The following TXLNG variants were observed in gnomAD, a reference collection of about 807,000 sequenced individuals.
The protein encoded by TXLNG is taxilin gamma.
A neutral mutation model predicts 38.8 loss-of-function variants in TXLNG; 5 were observed. The observed-to-expected ratio is 0.13, with a 90% CI of 0.07 to 0.27. TXLNG has a LOEUF of 0.27. TXLNG is among the 10% of genes least tolerant of loss of function. The pLI is 1.00. For missense variants in TXLNG, 393 were observed against 398.2 expected, an observed-to-expected ratio of 0.99 and a Z score of 0.11; for synonymous variants, 182 against 158.2, an observed-to-expected ratio of 1.15 and a Z score of -1.13.
Position 16,841,465 on chromosome X carries a change from T to A in TXLNG, c.1286T>A (p.Ile429Lys). 1 of 1,210,926 alleles carries A rather than the reference T, an allele frequency of 8.3e-7. No homozygotes were observed. Among genetic ancestry groups the A allele is most frequent in the South Asian group, 1.8e-5 (1 of 56,897 alleles). ...GATAAAGAGTACAAGGCCCTTCAAA[T>A]AAAACTGGAACGGTTAGAGAAGCTG... is the stretch of plus-strand genomic sequence containing the variant. ...VRDKEYKALQ[I>K]KLERLEKLCR... Residue 429 changes from isoleucine (I) to lysine (K), a missense_variant, in exon 10 of 10, where the codon ATA (isoleucine) becomes AAA (lysine). By Grantham distance (102) the Ile-to-Lys change is moderately radical. Coordinates refer to ENST00000380122, the MANE Select transcript of TXLNG (RefSeq NM_018360.3).
intron 1 of TXLNG, among the ~76,000 whole-genome samples, chrX:16,815,274 C>T (rs1928691038): frequency 9.0e-6 from 1 of 110,756 alleles, no homozygotes; most frequent in Non-Finnish European, 1.9e-5. Flanking sequence ...CTCCCAGGTT[C>T]AAGCAATTCT....
intron 7 of TXLNG, among the ~76,000 whole-genome samples, chrX:16,834,672 A>T (rs1187361780): frequency 9.0e-6 from 1 of 111,671 alleles, no homozygotes; most frequent in Non-Finnish European, 1.9e-5. Flanking sequence ...GAGCCCAGAT[A>T]ATTCCTCCCT....
chrX:16,840,397 C>T, intron 9 of TXLNG: 1 of 744,914 alleles, frequency 1.3e-6, no homozygotes, highest in Non-Finnish European at 1.6e-6. Flanking sequence ...ATTAGGCTTT[C>T]AAAAAAAGCA....
Position 16,839,851 on chromosome X carries a change from G to T in TXLNG, c.1183G>T (p.Glu395Ter). The change falls in exon 9 of 10, where the codon GAA becomes TAA. Residue 395 changes from glutamate to a stop codon, truncating the protein, a stop_gained. Transcript: ENST00000380122. LOFTEE classifies it high-confidence loss of function. ...MTKKIKKLEK[E>*]TIIWRTKWEN... ...AAAGAAAATTAAAAAACTGGAAAAA[G>T]AAACAATAATTTGGCGTACCAAATG... The T allele has an allele frequency of 1.7e-6, 2 of 1,200,819 alleles. No homozygotes were observed. The highest frequency in any genetic ancestry group is 2.2e-6 in the Non-Finnish European group (2 of 889,827).
At chrX:16,821,341 G>A (rs371484231) in intron 3 of TXLNG, among the ~76,000 whole-genome samples, 91 of 108,921 alleles carry the variant, frequency 8.4e-4, no homozygotes, top group African/African-American at 2.9e-3. Flanking sequence ...GGGTTTCACC[G>A]TGTTAGCCAG....
intron 1 of TXLNG, among the ~76,000 whole-genome samples, chrX:16,790,245 G>A (rs1352558614): frequency 1.8e-5 from 2 of 111,992 alleles, no homozygotes; most frequent in African/African-American, 6.5e-5. Context: ...TGACAAATGT[G>A]TAGTGACATG....
intron 5 of TXLNG, among the ~76,000 whole-genome samples, chrX:16,830,804 G>GGCTTCA (rs1391704944): frequency 5.1e-4 from 43 of 84,979 alleles, no homozygotes; most frequent in African/African-American, 1.9e-3. Flanking sequence ...TATAGCACCT[G>GGCTTCA]GCTTCAGCAG....
intron 1 of TXLNG, among the ~76,000 whole-genome samples, chrX:16,817,936 G>GC (rs370869871): frequency 2.7e-5 from 3 of 112,242 alleles, no homozygotes; most frequent in African/African-American, 9.7e-5. Flanking sequence ...CTGTGGCTCT[G>GC]CCATCCCTTA....
intron 9 of TXLNG, among the ~76,000 whole-genome samples, chrX:16,840,995 G>A (rs901442951): frequency 3.6e-5 from 4 of 110,928 alleles, no homozygotes; most frequent in Non-Finnish European, 7.6e-5. Flanking sequence ...AGGAAATCAA[G>A]ACCATCCTGG....
chrX:16,787,215 G>T (rs1356785518), intron 1 of TXLNG, among the ~76,000 whole-genome samples: 1 of 111,699 alleles, frequency 9.0e-6, no homozygotes, highest in Non-Finnish European at 1.9e-5. Flanking sequence ...CGAGCGGGAC[G>T]CTCGGCCCCC....
At chrX:16,836,773 T>C (rs1929608219) in intron 7 of TXLNG, among the ~76,000 whole-genome samples, 1 of 112,317 alleles carries the variant, frequency 8.9e-6, no homozygotes, top group Non-Finnish European at 1.9e-5. Flanking sequence ...TCGTGTGATC[T>C]TGCCCAAAAT....
chrX:16,829,449 G>A (rs751479819), intron 4 of TXLNG, 127 bp from the exon 5 acceptor site: 26 of 615,974 alleles, frequency 4.2e-5, no homozygotes, highest in South Asian at 3.5e-5. Context: ...TAAATAAGGG[G>A]GAGGAATTGT....
chrX:16,839,960 G>T (rs769634568), intron 9 of TXLNG, 44 bp downstream of exon 9: 26 of 999,701 alleles, frequency 2.6e-5, no homozygotes, highest in Non-Finnish European at 3.2e-5. Context: ...TAGTCATGGG[G>T]ACTCCTTGAG....
chrX:16,789,498 C>T (rs1193476796), intron 1 of TXLNG, among the ~76,000 whole-genome samples: 1 of 107,455 alleles, frequency 9.3e-6, no homozygotes, highest in East Asian at 2.9e-4. Context: ...TATTCAGTAG[C>T]CAGTGTGGCT....
Position 16,808,991 on chromosome X carries a change from A to G in TXLNG, c.103-9583A>G, listed in dbSNP as rs1007212014. The stretch of plus-strand genomic sequence containing the variant: ...ATTTCAAAGCTACTGCAAAGTTTAT[A>G]CTAAACATCAATTTTGCCACCACCT... On this transcript the variant is annotated intron_variant, in intron 1 of 9. Coordinates refer to ENST00000380122, the MANE Select transcript of TXLNG (RefSeq NM_018360.3). Among the ~76,000 whole-genome samples, 7 of 112,075 alleles carry G rather than the reference A, an allele frequency of 6.2e-5. No homozygotes were observed. In the East Asian group the frequency reaches 1.4e-3, roughly 23 times the overall value.
chrX:16,791,568 TTTTA>T (rs752495698), intron 1 of TXLNG, among the ~76,000 whole-genome samples: 29 of 112,055 alleles, frequency 2.6e-4, no homozygotes, highest in Non-Finnish European at 3.9e-4. Flanking sequence ...TTGGAACGTG[TTTTA>T]TTTATTTATT....
chrX:16,841,299 T>C, intron 9 of TXLNG, 129 bp from the exon 10 acceptor site: 1 of 526,810 alleles, frequency 1.9e-6, no homozygotes, highest in South Asian at 3.4e-5. Context: ...CTAGCTAGAA[T>C]GTTAGGAGGC....
At chrX:16,803,354 ATT>A (rs756547872) in intron 1 of TXLNG, 13 of 89,870 alleles carry the variant, frequency 1.4e-4, no homozygotes, top group Non-Finnish European at 8.9e-5. Context: ...ATACCCAGCT[ATT>A]TTTTTTTTTT....
chrX:16,790,443 C>T lies in TXLNG; in HGVS notation c.102+3854C>T, dbSNP rs187941947. 5.7e-3 allele frequency among the ~76,000 whole-genome samples: 631 copies of T among 110,646 alleles called. 2 individuals carry two copies. The highest frequency in any genetic ancestry group is 9.1e-3 in the Non-Finnish European group (483 of 52,935). On this transcript the variant is annotated intron_variant, in intron 1 of 9. Transcript: ENST00000380122. ...TCTTGAACTCCTAGGCTCAGGCGAT[C>T]GTTCTGCCTTGGCCTCCCAAAGTGC...
Sources: gnomAD v4.1 joint callset for allele counts (sites outside exome capture counted in the v4.1 genomes callset) on GRCh38, gnomAD v4.1.1 for gene constraint, MANE v1.5 for transcripts, NCBI Gene and HGNC (gene_info 2026-07-23, HGNC 2026-07-21) for gene names.